Variants in PNPLA8 observed in about 807,000 individuals in gnomAD.
PNPLA8 encodes the protein calcium-independent phospholipase A2-gamma.
PNPLA8 carries 39 observed loss-of-function variants against 76.9 expected under a neutral mutation model. The ratio of observed to expected loss-of-function variants is 0.51; its 90% CI spans 0.39 to 0.66. The LOEUF is 0.66. Among genes scored for constraint, PNPLA8 ranks in the 30% least tolerant of loss-of-function variants. The pLI is 0.00. For synonymous variants in PNPLA8, 301 were observed against 307.9 expected (o/e 0.98, Z 0.24); for missense variants, 887 against 918.0 (o/e 0.97, Z 0.44).
chr7:108,497,698 A>C (rs1193627238), intron 5 of PNPLA8, 121 bp from the exon 6 acceptor site: 1 of 471,962 alleles, frequency 2.1e-6, no homozygotes, highest in African/African-American at 2.0e-5. Context: ...AAAATTAATA[A>C]TATAAATCAA....
chr7:108,496,879 CA>C, intron 6 of PNPLA8, 124 bp from the exon 7 acceptor site: 1 of 712,912 alleles, frequency 1.4e-6, no homozygotes, highest in Non-Finnish European at 2.2e-6. Flanking sequence ...TCACCTGGGA[CA>C]AATGACTTTC....
intron 6 of PNPLA8, among the ~76,000 whole-genome samples, 185 bp from the exon 7 acceptor site, chr7:108,496,940 A>C (rs963943820): frequency 3.3e-5 from 5 of 152,130 alleles, no homozygotes; most frequent in Non-Finnish European, 7.3e-5. Flanking sequence ...TAATAAGAAC[A>C]ACCAAAATTC....
intron 4 of PNPLA8, among the ~76,000 whole-genome samples, chr7:108,505,297 AATTT>A (rs1862262008): frequency 1.3e-5 from 1 of 79,440 alleles, no homozygotes; most frequent in African/African-American, 5.1e-5. Flanking sequence ...AACACAAGAA[AATTT>A]ATATATATAT....
rs1563973765 is a variant in PNPLA8, at chr7:108,508,920, T to C, written c.1206+5224A>G. On this transcript the variant is annotated intron_variant, in intron 4 of 10. Transcript: ENST00000257694. ...TGACAAACCTGAGAAAAACAAGCAA[T>C]GGGGAAAGGATTCCCTATTTAATAA... is the stretch of plus-strand genomic sequence containing the variant. Among the ~76,000 whole-genome samples the C allele has an allele frequency of 2.6e-5, 3 of 115,692 alleles. No homozygotes were observed. The Admixed American group carries it at 2.6e-4, about 10-fold the overall frequency. The allele number at this position is 115,692 out of a possible 152,430, so 75.9% of individuals were successfully genotyped here. A position where few individuals can be genotyped will look rare whatever the true frequency, so the allele number is the denominator to read the frequency against.
chr7:108,506,853 T>A (rs1245475930), intron 4 of PNPLA8, among the ~76,000 whole-genome samples: 5 of 152,204 alleles, frequency 3.3e-5, no homozygotes, highest in Non-Finnish European at 7.3e-5. Context: ...CATAAGATTG[T>A]TTCTCATTCA....
chr7:108,490,008 A>G (rs1180963242), intron 8 of PNPLA8, among the ~76,000 whole-genome samples: 1 of 152,230 alleles, frequency 6.6e-6, no homozygotes, highest in African/African-American at 2.4e-5. Context: ...GTTTTGGTCA[A>G]TGATGGACCG....
chr7:108,526,825 C>T, upstream of PNPLA8, among the ~76,000 whole-genome samples: 1 of 152,188 alleles, frequency 6.6e-6, no homozygotes, highest in East Asian at 1.9e-4. Context: ...CAGGGCAAAT[C>T]CAGCCCACCG....
chr7:108,478,526 A>G lies in PNPLA8; in HGVS notation c.2074+658T>C, dbSNP rs571648200. ...CTGCCTCAGCCTTCCAAGGAGCTGG[A>G]ATTACAGGTGCACACTACCATGCCT... On this transcript the variant is annotated intron_variant, in intron 10 of 10. Coordinates refer to ENST00000257694, the MANE Select transcript of PNPLA8 (RefSeq NM_001256007.3). Among the ~76,000 whole-genome samples the G allele has an allele frequency of 1.0e-3, 153 of 152,080 alleles. 2 individuals carry two copies. The highest frequency in any genetic ancestry group is 3.4e-3 in the African/African-American group (140 of 41,508).
In PNPLA8 at chr7:108,484,706, T is replaced by C. The variant is rs372829014; in HGVS notation, c.1878+3053A>G. 9.8e-5 allele frequency among the ~76,000 whole-genome samples: 15 copies of C among 152,336 alleles called. No individual in the cohort carries two copies. The East Asian group carries it at 2.7e-3, about 27-fold the overall frequency. On this transcript the variant is annotated intron_variant, in intron 9 of 10. Transcript: ENST00000257694. ...CTGACAGAATAAATCACCTCTATAGTACTTCTTAATCCTGTACATATATTG... is the reference window on the plus strand; with the variant it reads ...CTGACAGAATAAATCACCTCTATAGCACTTCTTAATCCTGTACATATATTG...
At chr7:108,494,724 G>A (rs1309617426) in intron 7 of PNPLA8, among the ~76,000 whole-genome samples, 1 of 152,064 alleles carries the variant, frequency 6.6e-6, no homozygotes, top group Non-Finnish European at 1.5e-5. Flanking sequence ...TTGGGTATAT[G>A]CCCAGTAGTA....
chr7:108,525,472 G>T (rs1461331271), intron 1 of PNPLA8, among the ~76,000 whole-genome samples: 2 of 152,198 alleles, frequency 1.3e-5, no homozygotes, highest in Admixed American at 1.3e-4. Context: ...CACAATGATA[G>T]AAATGACACA....
intron 7 of PNPLA8, among the ~76,000 whole-genome samples, chr7:108,492,730 A>G (rs1861271958): frequency 6.6e-6 from 1 of 152,222 alleles, no homozygotes; most frequent in Non-Finnish European, 1.5e-5. Flanking sequence ...TCAATAAACA[A>G]TGGGCGAAAA....
chr7:108,499,136 C>A (rs1401419117), intron 5 of PNPLA8, among the ~76,000 whole-genome samples: 1 of 152,036 alleles, frequency 6.6e-6, no homozygotes, highest in African/African-American at 2.4e-5. Flanking sequence ...AACAATGTGA[C>A]CTCTATTATC....
intron 5 of PNPLA8, among the ~76,000 whole-genome samples, chr7:108,498,140 A>C (rs567796088): frequency 0.013 from 1,899 of 151,742 alleles, 22 homozygotes; most frequent in Non-Finnish European, 0.02. Flanking sequence ...AAACAAAAAA[A>C]AAAACAAAAA....
chr7:108,510,598 G>A lies in PNPLA8; in HGVS notation c.1206+3546C>T, dbSNP rs879236620. 7 of 1,543,946 alleles carry A rather than the reference G, an allele frequency of 4.5e-6. No homozygotes were observed. The South Asian group carries it at 7.8e-5, about 17-fold the overall frequency. ...GTCAAATCTACAATGGAACCTTTGT[G>A]AAGCTCAACAAGGCTTCGACTAACA... On this transcript the variant is annotated intron_variant, in intron 4 of 10. Transcript: ENST00000257694.
intron 5 of PNPLA8, among the ~76,000 whole-genome samples, chr7:108,500,839 G>T (rs1317800499): frequency 6.6e-6 from 1 of 152,070 alleles, no homozygotes; most frequent in Non-Finnish European, 1.5e-5. Flanking sequence ...AGTTGAACCT[G>T]GGAGGTGGAG....
In PNPLA8 at chr7:108,497,574, G is replaced by GC; in HGVS notation, c.1361dup (p.Val455ArgfsTer12). 6.4e-7 allele frequency: 1 copy of GC among 1,567,126 alleles called. No individual in the cohort carries two copies. The highest frequency in any genetic ancestry group is 1.2e-5 in the South Asian group (1 of 83,926). On this transcript the variant is annotated frameshift_variant, in exon 6 of 11. Coordinates refer to ENST00000257694, the MANE Select transcript of PNPLA8 (RefSeq NM_001256007.3). LOFTEE classifies it high-confidence loss of function. ...TTCGTAGGGTCTGGAGAGCAACCAC[G>GC]CCCCTACAGAAAAGATTAAAGACAA...
At chr7:108,478,563 T>C (rs1860161251) in intron 10 of PNPLA8, among the ~76,000 whole-genome samples, 1 of 152,074 alleles carries the variant, frequency 6.6e-6, no homozygotes, top group Non-Finnish European at 1.5e-5. Context: ...GCTAATTTTT[T>C]GTATTTTCAG....
In PNPLA8 at chr7:108,497,479, T is replaced by A; in HGVS notation, c.1453+4A>T. 1 of 1,556,948 alleles carries A rather than the reference T, an allele frequency of 6.4e-7. No individual in the cohort carries two copies. The highest frequency in any genetic ancestry group is 8.8e-7 in the Non-Finnish European group (1 of 1,134,380). On this transcript the variant is annotated splice_donor_region_variant and intron_variant, in intron 6 of 10. Transcript: ENST00000257694. ...ATGCACCACTTCCATATAATAATAATTACCTGTGCTTACACCACAAATGTA... is the reference window on the plus strand; with the variant it reads ...ATGCACCACTTCCATATAATAATAAATACCTGTGCTTACACCACAAATGTA...
Sources: gnomAD v4.1 joint callset for allele counts (sites outside exome capture counted in the v4.1 genomes callset) on GRCh38, gnomAD v4.1.1 for gene constraint, MANE v1.5 for transcripts, NCBI Gene and HGNC (gene_info 2026-07-23, HGNC 2026-07-21) for gene names.